NCAPD2: variants seen among roughly 807,000 people sequenced by gnomAD.
NCAPD2 encodes condensin complex subunit 1.
In NCAPD2, 100 loss-of-function variants were observed where a neutral mutation model predicts 164.5. The ratio of observed to expected loss-of-function variants is 0.61; its 90% CI spans 0.52 to 0.72. The LOEUF is 0.72. Ranked by LOEUF, NCAPD2 falls within the 30% of genes least tolerant of loss-of-function variation. The pLI is 0.00. For synonymous variants in NCAPD2, 585 were observed against 642.6 expected (o/e 0.91, Z 1.36); for missense variants, 1,560 against 1,749.2 (o/e 0.89, Z 1.93).
rs56183938 is a variant in NCAPD2 at position 6,518,504 on chromosome 12, G to GT, written c.1589+575dup. Among the ~76,000 whole-genome samples the GT allele has an allele frequency of 7.6e-3, 339 of 44,736 alleles. 72 individuals carry two copies. Among genetic ancestry groups the GT allele is most frequent in the Middle Eastern group, 0.037 (3 of 80 alleles). 29.3% of individuals were successfully genotyped at this position (44,736 alleles called of 152,430 possible). A position where few individuals can be genotyped will look rare whatever the true frequency, so the allele number is the denominator to read the frequency against. On this transcript the variant is annotated intron_variant, in intron 13 of 31. Coordinates refer to ENST00000315579, the MANE Select transcript of NCAPD2 (RefSeq NM_014865.4). Reference sequence around the variant, plus strand: ...CAAAAGCCCTTACAGCCGTCAACAAGTTTTTTTTTTTTTTTTTTTTTTTTT... The same window carrying GT: ...CAAAAGCCCTTACAGCCGTCAACAAGTTTTTTTTTTTTTTTTTTTTTTTTTT...
chr12:6,526,793 A>G, intron 21 of NCAPD2, 98 bp from the exon 22 acceptor site: 1 of 1,462,244 alleles, frequency 6.8e-7, no homozygotes, highest in Non-Finnish European at 9.3e-7. Context: ...TAGTTTGAAT[A>G]GCACGTGAGC....
intron 2 of NCAPD2, among the ~76,000 whole-genome samples, chr12:6,509,087 T>C (rs1390978195): frequency 5.9e-5 from 9 of 151,908 alleles, no homozygotes; most frequent in Non-Finnish European, 1.3e-4. Flanking sequence ...TTTTTTTTTT[T>C]TTAAAAGATC....
intron 2 of NCAPD2, 123 bp from the exon 3 acceptor site, chr12:6,509,594 C>G: frequency 1.1e-6 from 1 of 909,884 alleles, no homozygotes; most frequent in Non-Finnish European, 1.8e-6. Flanking sequence ...TTGAAGTGAA[C>G]TGTTTGTCTC....
chr12:6,497,811 G>T (rs1015936534), intron 2 of NCAPD2, among the ~76,000 whole-genome samples: 8 of 152,054 alleles, frequency 5.3e-5, no homozygotes, highest in Non-Finnish European at 7.4e-5. Context: ...TTGAGACAGG[G>T]TTTCACCATG....
intron 2 of NCAPD2, among the ~76,000 whole-genome samples, chr12:6,507,239 A>G (rs1021834263): frequency 6.6e-6 from 1 of 152,220 alleles, no homozygotes; most frequent in African/African-American, 2.4e-5. Context: ...CACCTCCCAA[A>G]GTGCTGGGAT....
rs1317217758 is a variant in NCAPD2, at chr12:6,503,552, A to G, written c.128-6165A>G. On this transcript the variant is annotated intron_variant, in intron 2 of 31. Coordinates refer to ENST00000315579, the MANE Select transcript of NCAPD2 (RefSeq NM_014865.4). ...TTTGGGAGGCCGAGGCGGGCAGATC[A>G]CAAGGTCAGGAGTTCGAGACCAGCC... is the stretch of plus-strand genomic sequence containing the variant. Among the ~76,000 whole-genome samples the G allele has an allele frequency of 3.3e-5, 5 of 152,046 alleles. No individual in the cohort carries two copies. The East Asian group carries it at 9.7e-4, about 29-fold the overall frequency.
Position 6,528,575 on chromosome 12 carries a change from G to A in NCAPD2, c.3300-104G>A, listed in dbSNP as rs1235939146. On this transcript the variant is annotated intron_variant, in intron 25 of 31. Coordinates refer to ENST00000315579, the MANE Select transcript of NCAPD2 (RefSeq NM_014865.4). This position sits in a 1 kb window ranked among gnomAD's most constrained non-coding sequence, Gnocchi z 5.1. ...AGACAGCTTTCTGACTGCTTCTGGAGTGGCAGAGCATGGGATAATTGATTC... is the reference window on the plus strand; with the variant it reads ...AGACAGCTTTCTGACTGCTTCTGGAATGGCAGAGCATGGGATAATTGATTC... The A allele has an allele frequency of 1.5e-6, 2 of 1,347,066 alleles. No individual in the cohort carries two copies. The highest frequency in any genetic ancestry group is 2.9e-5 in the African/African-American group (2 of 68,720). The allele number at this position is 1,347,066 out of a possible 1,614,324, so 83.4% of individuals were successfully genotyped here.
chr12:6,509,490 G>T (rs118052905), intron 2 of NCAPD2, among the ~76,000 whole-genome samples: 23 of 152,166 alleles, frequency 1.5e-4, no homozygotes, highest in Non-Finnish European at 2.8e-4. Context: ...CTCAACTTCT[G>T]ACCGCAGGTA....
intron 17 of NCAPD2, among the ~76,000 whole-genome samples, chr12:6,524,290 C>G (rs1946294676): frequency 6.6e-6 from 1 of 152,044 alleles, no homozygotes; most frequent in Non-Finnish European, 1.5e-5. Context: ...TCAAACAGAA[C>G]CCAAGAAAGA....
chr12:6,510,972 G>A (rs1299199633), intron 5 of NCAPD2, 138 bp from the exon 6 acceptor site: 7 of 1,257,816 alleles, frequency 5.6e-6, no homozygotes, highest in East Asian at 2.3e-5. Context: ...GACAAGTAGC[G>A]CTGTGGAACT....
intron 2 of NCAPD2, among the ~76,000 whole-genome samples, chr12:6,502,530 T>A (rs1424195020): frequency 6.6e-6 from 1 of 152,182 alleles, no homozygotes; most frequent in Non-Finnish European, 1.5e-5. Context: ...TGTGGTCACA[T>A]GAATGGAGTA....
chr12:6,494,554 C>T (rs1167832293), intron 1 of NCAPD2, among the ~76,000 whole-genome samples: 1 of 152,192 alleles, frequency 6.6e-6, no homozygotes, highest in East Asian at 1.9e-4. Context: ...ATGCTCTTAC[C>T]ATTCTGGTGC....
chr12:6,514,736 T>A, intron 8 of NCAPD2, 37 bp from the exon 9 acceptor site: 2 of 1,611,794 alleles, frequency 1.2e-6, no homozygotes, highest in Non-Finnish European at 1.7e-6. Context: ...GAATAATTGA[T>A]CTATGTTGCT....
intron 17 of NCAPD2, among the ~76,000 whole-genome samples, chr12:6,525,304 G>A (rs984227182): frequency 6.6e-6 from 1 of 152,144 alleles, no homozygotes; most frequent in Admixed American, 6.6e-5. Flanking sequence ...AAACCTGTTA[G>A]AAATCTCCAG....
chr12:6,510,799 C>G lies in NCAPD2; in HGVS notation c.433C>G (p.Leu145Val), dbSNP rs761803417. ...ASQTNLVDLD[L>V]GGKGKKARTK... is the part of the protein sequence containing the mutation. ...CCAGACAAACCTTGTGGACCTGGAC[C>G]TTGGTGGGAAGGTAATTTGGAGTTT... Residue 145 changes from leucine (L) to valine (V), a missense_variant, in exon 5 of 32, where the codon CTT (leucine) becomes GTT (valine). By Grantham distance (32) the Leu-to-Val change is conservative. Coordinates refer to ENST00000315579, the MANE Select transcript of NCAPD2 (RefSeq NM_014865.4). 1 of 1,613,768 alleles carries G rather than the reference C, an allele frequency of 6.2e-7. No homozygotes were observed. The highest frequency in any genetic ancestry group is 8.5e-7 in the Non-Finnish European group (1 of 1,179,956).
intron 16 of NCAPD2, 115 bp downstream of exon 16, chr12:6,523,117 C>A: frequency 1.4e-6 from 2 of 1,459,698 alleles, no homozygotes; most frequent in South Asian, 1.2e-5. Flanking sequence ...GATCCATAGG[C>A]AGTCCATCAT....
intron 2 of NCAPD2, among the ~76,000 whole-genome samples, chr12:6,509,274 G>T (rs1349662591): frequency 2.0e-5 from 3 of 150,238 alleles, no homozygotes; most frequent in East Asian, 3.9e-4. Context: ...ATTTTTTTTT[G>T]AGATGAGACG....
At chr12:6,513,497 A>G (rs1946169915) in intron 6 of NCAPD2, among the ~76,000 whole-genome samples, 1 of 152,182 alleles carries the variant, frequency 6.6e-6, no homozygotes, top group East Asian at 1.9e-4. Flanking sequence ...CCTGGGCAAC[A>G]GAGGCAGACC....
intron 19 of NCAPD2, 29 bp downstream of exon 19, chr12:6,526,229 G>A (rs1223979643): frequency 1.2e-6 from 2 of 1,614,158 alleles, no homozygotes; most frequent in East Asian, 2.2e-5. Flanking sequence ...AAACTAAGGA[G>A]AGTGGAGATT....
Sources: gnomAD v4.1 joint callset for allele counts (sites outside exome capture counted in the v4.1 genomes callset) on GRCh38, gnomAD v4.1.1 for gene constraint, Gnocchi (gnomAD v3.1) non-coding constraint, MANE v1.5 for transcripts, NCBI Gene and HGNC (gene_info 2026-07-23, HGNC 2026-07-21) for gene names.